Variants in POTEF observed in about 807,000 individuals in gnomAD.
POTEF encodes ANKRD26-like family C member 1B.
A neutral mutation model predicts 83.2 loss-of-function variants in POTEF; 20 were observed. The ratio of observed to expected loss-of-function variants is 0.24; its 90% CI spans 0.17 to 0.35. The LOEUF (loss-of-function observed/expected upper bound fraction) is 0.35. POTEF is among the 10% of genes least tolerant of loss of function. POTEF has a pLI of 1.00. For missense variants in POTEF, 550 were observed against 1,203.2 expected (o/e 0.46, Z 8.03); for synonymous variants, 196 against 446.4 (o/e 0.44, Z 7.07).
chr2:130,111,380 T>G (rs1349611321), intron 6 of POTEF, among the ~76,000 whole-genome samples: 1 of 151,822 alleles, frequency 6.6e-6, no homozygotes, highest in Non-Finnish European at 1.5e-5. Flanking sequence ...GAAAAGTGTA[T>G]CCACTTAAAA....
chr2:130,127,367 A>C (rs1685124727), intron 2 of POTEF, among the ~76,000 whole-genome samples: 1 of 139,894 alleles, frequency 7.1e-6, no homozygotes, highest in African/African-American at 2.8e-5. Flanking sequence ...ACACACACAC[A>C]CACAGTCACC....
Position 130,075,191 on chromosome 2 carries a change from T to C in POTEF, c.2281A>G (p.Lys761Glu). 1 of 1,612,964 alleles carries C rather than the reference T, an allele frequency of 6.2e-7. No homozygotes were observed. Residue 761 changes from lysine (K) to glutamate (E), a missense_variant, in exon 17 of 17, where the codon AAA (lysine) becomes GAA (glutamate). Lys to Glu is a moderately conservative substitution (Grantham distance 56). Transcript: ENST00000409914. ...ESYVGKEAQS[K>E]RGILTLKYPM... Reference sequence around the variant, plus strand: ...TACTTCAGGGTCAGGATGCCTCTTTTGCTCTGGGCCTCCTTGCCCACATAG... The same window carrying C: ...TACTTCAGGGTCAGGATGCCTCTTTCGCTCTGGGCCTCCTTGCCCACATAG...
At chr2:130,076,632 T>C (rs1222288834) in intron 16 of POTEF, among the ~76,000 whole-genome samples, 1 of 143,330 alleles carries the variant, frequency 7.0e-6, no homozygotes, top group Non-Finnish European at 1.5e-5. Flanking sequence ...TGGAGCAAAC[T>C]GTTCCTCTCT....
chr2:130,094,871 A>C (rs1573599409), intron 11 of POTEF, among the ~76,000 whole-genome samples: 1 of 108,728 alleles, frequency 9.2e-6, no homozygotes, highest in African/African-American at 3.6e-5. Flanking sequence ...TATGATTACT[A>C]TTAAAGAATA....
chr2:130,111,329 TTTTCTC>T (rs1684705371), intron 6 of POTEF, among the ~76,000 whole-genome samples: 1 of 151,254 alleles, frequency 6.6e-6, no homozygotes, highest in Non-Finnish European at 1.5e-5. Flanking sequence ...AGCCTAGCTC[TTTTCTC>T]TTTATCACCC....
chr2:130,119,495 G>A (rs189977370), intron 3 of POTEF, among the ~76,000 whole-genome samples: 1 of 150,862 alleles, frequency 6.6e-6, no homozygotes, highest in Admixed American at 6.6e-5. Flanking sequence ...CAATCTTCCT[G>A]TTCAAGCACA....
chr2:130,111,595 T>C (rs1684711681), intron 6 of POTEF, among the ~76,000 whole-genome samples: 1 of 151,500 alleles, frequency 6.6e-6, no homozygotes, highest in Admixed American at 6.6e-5. Context: ...CAACCCCTAT[T>C]TATGTTTAAT....
At chr2:130,125,726 T>G (rs984308720) in intron 2 of POTEF, among the ~76,000 whole-genome samples, 1 of 151,828 alleles carries the variant, frequency 6.6e-6, no homozygotes, top group Non-Finnish European at 1.5e-5. Flanking sequence ...GCCAACAGGG[T>G]GAAACCCCAT....
intron 8 of POTEF, among the ~76,000 whole-genome samples, chr2:130,104,489 G>A (rs899037823): frequency 1.3e-5 from 2 of 149,998 alleles, no homozygotes; most frequent in African/African-American, 5.0e-5. Flanking sequence ...TTTAAAGGAA[G>A]AACACAAAAA....
In POTEF at chr2:130,080,326, T is replaced by G. The variant is rs1356169422; in HGVS notation, c.1779-3125A>C. Among the ~76,000 whole-genome samples the G allele has an allele frequency of 2.5e-5, 2 of 79,642 alleles. 1 individual carries two copies. The highest frequency in any genetic ancestry group is 6.2e-4 in the East Asian group (2 of 3,212). 52.2% of individuals were successfully genotyped at this position (79,642 alleles called of 152,430 possible). Reference sequence around the variant, plus strand: ...AGCTAGATTTGCCAGCAGAAAATTGTTAACTTTTTAATGAGATAAAAATGT... The same window carrying G: ...AGCTAGATTTGCCAGCAGAAAATTGGTAACTTTTTAATGAGATAAAAATGT... On this transcript the variant is annotated intron_variant, in intron 15 of 16. Transcript: ENST00000409914.
Position 130,075,302 on chromosome 2 carries a change from C to G in POTEF, c.2170G>C (p.Asp724His). The G allele has an allele frequency of 1.2e-6, 2 of 1,612,680 alleles. No homozygotes were observed. Residue 724 changes from aspartate (D) to histidine (H), a missense_variant, in exon 17 of 17, where the codon GAC becomes CAC. Asp to His is a moderately conservative substitution (Grantham distance 81). Transcript: ENST00000409914. ...SGMCKAGFAG[D>H]DAPRAVFPSI... ...GGGAAGACAGCCCGGGGGGCATCGT[C>G]GCCCGCAAAGCCGGCCTTGCACATG...
At chr2:130,098,309 TTAA>T (rs1684302682) in intron 11 of POTEF, among the ~76,000 whole-genome samples, 1 of 138,222 alleles carries the variant, frequency 7.2e-6, no homozygotes, top group Admixed American at 7.1e-5. Context: ...TTGATATATT[TTAA>T]TAAAAGTTTT....
At chr2:130,119,413 G>T (rs558697622) in intron 3 of POTEF, among the ~76,000 whole-genome samples, 1 of 151,750 alleles carries the variant, frequency 6.6e-6, no homozygotes, top group African/African-American at 2.4e-5. Flanking sequence ...TGATCCGCCC[G>T]CCTCCCAAAG....
chr2:130,118,785 A>C (rs1684916083), intron 3 of POTEF, among the ~76,000 whole-genome samples: 1 of 151,846 alleles, frequency 6.6e-6, no homozygotes, highest in African/African-American at 2.4e-5. Context: ...TTGTATATTT[A>C]AATTTTTTAA....
intron 1 of POTEF, among the ~76,000 whole-genome samples, chr2:130,128,660 C>T (rs1423844020): frequency 6.6e-6 from 1 of 152,146 alleles, no homozygotes; most frequent in African/African-American, 2.4e-5. Context: ...CCGCCCCCAC[C>T]CCACCACAGG....
At chr2:130,125,921 T>A (rs1225394554) in intron 2 of POTEF, among the ~76,000 whole-genome samples, 1 of 143,988 alleles carries the variant, frequency 6.9e-6, no homozygotes, top group Non-Finnish European at 1.5e-5. Context: ...AAAAAAAAAA[T>A]TACACACAAT....
chr2:130,114,185 T>TTC (rs1447865323), intron 5 of POTEF, among the ~76,000 whole-genome samples: 3 of 150,546 alleles, frequency 2.0e-5, no homozygotes, highest in East Asian at 2.0e-4. Flanking sequence ...GATCTCTAGG[T>TTC]AGTTTACAAC....
intron 5 of POTEF, among the ~76,000 whole-genome samples, chr2:130,113,933 GGTAAGAGAAGAACAGGGTCTAGTC>G: frequency 6.6e-6 from 1 of 151,774 alleles, no homozygotes; most frequent in Middle Eastern, 3.4e-3. Flanking sequence ...GATTTTCCCC[GGTAAGAGAAGAACAGGGTCTAGTC>G]AACTCAAAAT....
At chr2:130,083,561 TG>T (rs1422358756) in intron 15 of POTEF, among the ~76,000 whole-genome samples, 1 of 130,306 alleles carries the variant, frequency 7.7e-6, no homozygotes, top group African/African-American at 3.3e-5. Context: ...TTAAATGAGG[TG>T]TAAGAAAAAT....
Sources: gnomAD v4.1 joint callset for allele counts (sites outside exome capture counted in the v4.1 genomes callset) on GRCh38, gnomAD v4.1.1 for gene constraint, MANE v1.5 for transcripts, NCBI Gene and HGNC (gene_info 2026-07-23, HGNC 2026-07-21) for gene names.